The following GALNT13 variants were observed in gnomAD, a reference collection of about 807,000 sequenced individuals.
GALNT13 encodes polypeptide N-acetylgalactosaminyltransferase 13.
In GALNT13, 28 loss-of-function variants were observed where a neutral mutation model predicts 64.2. The observed-to-expected ratio is 0.44, with a 90% confidence interval of 0.32 to 0.60. The LOEUF (loss-of-function observed/expected upper bound fraction) is 0.60, where lower values mean the gene tolerates loss of function less well. Ranked by LOEUF, GALNT13 falls within the 20% of genes least tolerant of loss-of-function variation. The probability of loss-of-function intolerance (pLI) is 0.05; values close to 1 mark genes in which losing one functional copy is unlikely to be tolerated. For missense variants in GALNT13, 577 were observed against 669.8 expected, an observed-to-expected ratio of 0.86 and a Z score of 1.53; for synonymous variants, 214 against 224.6, an observed-to-expected ratio of 0.95 and a Z score of 0.42.
At chr2:153,418,691 G>C in the GALNT13 span, among the ~76,000 whole-genome samples, 1 of 152,196 alleles carries the variant, frequency 6.6e-6, no homozygotes, top group South Asian at 2.1e-4. Context: ...ATCAGAATTG[G>C]CTTCGAGAGA....
At chr2:153,299,825 A>C in the GALNT13 span, among the ~76,000 whole-genome samples, 1 of 152,100 alleles carries the variant, frequency 6.6e-6, no homozygotes, top group African/African-American at 2.4e-5. Context: ...TTATACCTGA[A>C]TTGTTCATTT....
chr2:153,807,017 T>C, the GALNT13 span, among the ~76,000 whole-genome samples: 1 of 152,144 alleles, frequency 6.6e-6, no homozygotes, highest in East Asian at 1.9e-4. Context: ...TGGGAAGGAA[T>C]AGGGTTTCGG....
the GALNT13 span, among the ~76,000 whole-genome samples, chr2:153,591,769 A>C: frequency 2.6e-5 from 4 of 152,098 alleles, no homozygotes; most frequent in Non-Finnish European, 5.9e-5. Flanking sequence ...GACATTAGGC[A>C]AAAAATTTAT....
intron 2 of GALNT13, among the ~76,000 whole-genome samples, chr2:153,930,510 G>A (rs1690444200): frequency 6.6e-6 from 1 of 152,004 alleles, no homozygotes. Flanking sequence ...TTTTACATAT[G>A]GTGAAAGGAA....
the GALNT13 span, among the ~76,000 whole-genome samples, chr2:153,614,739 C>A: frequency 6.6e-6 from 1 of 151,882 alleles, no homozygotes; most frequent in Non-Finnish European, 1.5e-5. Flanking sequence ...ATTTATTTTT[C>A]ATTTTTAATT....
At chr2:154,073,540 T>G (rs1310841895) in intron 3 of GALNT13, among the ~76,000 whole-genome samples, 2 of 151,936 alleles carry the variant, frequency 1.3e-5, no homozygotes, top group African/African-American at 4.8e-5. Context: ...TATTTTCATA[T>G]TGCATTTGAA....
the GALNT13 span, among the ~76,000 whole-genome samples, chr2:153,309,435 A>G: frequency 6.6e-6 from 1 of 152,128 alleles, no homozygotes; most frequent in South Asian, 2.1e-4. Flanking sequence ...GAACATTGCT[A>G]TGCTCCTTTT....
the GALNT13 span, among the ~76,000 whole-genome samples, chr2:153,772,265 A>G: frequency 1.3e-5 from 2 of 152,210 alleles, no homozygotes; most frequent in East Asian, 1.9e-4. Context: ...ATTGAAAATG[A>G]TTTCCTCCTC....
the GALNT13 span, among the ~76,000 whole-genome samples, chr2:153,618,627 T>A: frequency 6.6e-6 from 1 of 151,924 alleles, no homozygotes; most frequent in African/African-American, 2.4e-5. Context: ...CATGTTGAAG[T>A]CTTCTGCTAT....
chr2:153,176,591 A>G, the GALNT13 span, among the ~76,000 whole-genome samples: 23 of 152,054 alleles, frequency 1.5e-4, no homozygotes, highest in Admixed American at 1.4e-3. Context: ...TTGAAATACC[A>G]TAAATATATA....
chr2:153,647,128 G>A, the GALNT13 span, among the ~76,000 whole-genome samples: 135,175 of 151,908 alleles, frequency 0.89, 60,177 homozygotes, highest in East Asian at 0.92. Flanking sequence ...AGCACCTGTT[G>A]TTTCCTGACT....
intron 3 of GALNT13, among the ~76,000 whole-genome samples, chr2:154,073,030 G>C (rs1286025032): frequency 1.3e-5 from 2 of 151,948 alleles, no homozygotes; most frequent in Non-Finnish European, 2.9e-5. Flanking sequence ...AATAATAATA[G>C]TATGATGGTT....
the GALNT13 span, among the ~76,000 whole-genome samples, chr2:153,558,549 T>C: frequency 7.4e-4 from 113 of 152,312 alleles, 1 homozygote; most frequent in Non-Finnish European, 1.4e-3. Flanking sequence ...AATTGAGCTT[T>C]GCTGTCTTCT....
the GALNT13 span, among the ~76,000 whole-genome samples, chr2:153,525,206 C>T: frequency 1.3e-5 from 2 of 152,158 alleles, no homozygotes; most frequent in Non-Finnish European, 2.9e-5. Context: ...TTAATCACCT[C>T]CTAGCTAAAG....
chr2:154,324,780 A>G (rs1318417326), intron 9 of GALNT13, among the ~76,000 whole-genome samples: 1 of 152,134 alleles, frequency 6.6e-6, no homozygotes, highest in South Asian at 2.1e-4. Flanking sequence ...GAGAGCCTCC[A>G]GGACCAGATG....
chr2:154,039,300 A>ACT (rs1698849254), intron 3 of GALNT13, among the ~76,000 whole-genome samples: 1 of 99,890 alleles, frequency 1.0e-5, no homozygotes, highest in Admixed American at 9.7e-5. Context: ...TCAAAGAGTT[A>ACT]TCTTTACCTC....
At chr2:153,787,228 A>G in the GALNT13 span, among the ~76,000 whole-genome samples, 1 of 152,120 alleles carries the variant, frequency 6.6e-6, no homozygotes. Context: ...AACAACTGCA[A>G]ATGTGAGGAA....
At chr2:154,305,039 A>G (rs947393352) in intron 9 of GALNT13, among the ~76,000 whole-genome samples, 4 of 152,220 alleles carry the variant, frequency 2.6e-5, no homozygotes, top group African/African-American at 4.8e-5. Context: ...GCTAGAAACT[A>G]GTACTGGATG....
the GALNT13 span, among the ~76,000 whole-genome samples, chr2:153,379,522 A>T: frequency 6.6e-6 from 1 of 152,184 alleles, no homozygotes; most frequent in Non-Finnish European, 1.5e-5. Context: ...TGTCTTCAAA[A>T]TAATGCAGTT....
Sources: gnomAD v4.1 joint callset for allele counts (sites outside exome capture counted in the v4.1 genomes callset) on GRCh38, gnomAD v4.1.1 for gene constraint, MANE v1.5 for transcripts, NCBI Gene and HGNC (gene_info 2026-07-23, HGNC 2026-07-21) for gene names.